The following NCAPH variants were observed in gnomAD, a reference collection of about 807,000 sequenced individuals.
NCAPH encodes condensin complex subunit 2.
Under a neutral mutation model 85.5 loss-of-function variants are expected in NCAPH, and 38 were observed. The ratio of observed to expected loss-of-function variants is 0.44; its 90% CI spans 0.34 to 0.58. NCAPH has a LOEUF of 0.58. NCAPH is among the 20% of genes least tolerant of loss of function. NCAPH has a pLI of 0.01. For missense variants in NCAPH, 789 were observed against 916.6 expected (o/e 0.86, Z 1.80); for synonymous variants, 301 against 335.1 (o/e 0.90, Z 1.11).
intron 9 of NCAPH, among the ~76,000 whole-genome samples, chr2:96,355,415 T>C (rs1333676911): frequency 3.9e-5 from 6 of 152,108 alleles, no homozygotes; most frequent in Non-Finnish European, 8.8e-5. Flanking sequence ...CTTAGTATAA[T>C]TTCCCGCTAT....
At chr2:96,360,323 A>T in intron 11 of NCAPH, 74 bp downstream of exon 11, 1 of 958,134 alleles carries the variant, frequency 1.0e-6, no homozygotes, top group East Asian at 2.5e-5. Context: ...AATTCCGTAT[A>T]AATTTAACTG....
intron 13 of NCAPH, among the ~76,000 whole-genome samples, chr2:96,364,831 A>C (rs1169754039): frequency 6.6e-6 from 1 of 152,238 alleles, no homozygotes; most frequent in Non-Finnish European, 1.5e-5. Flanking sequence ...GGCCACACTC[A>C]AGTGAATGCG....
In NCAPH at chr2:96,366,044, G is replaced by A. The variant is rs111936698; in HGVS notation, c.1867G>A (p.Ala623Thr). 239 of 1,614,170 alleles carry A rather than the reference G, an allele frequency of 1.5e-4. No homozygotes were observed. The African/African-American group carries it at 3.0e-3, about 20-fold the overall frequency. The change falls in exon 14 of 18, where the codon GCT (alanine) becomes ACT (threonine). Residue 623 changes from alanine (A) to threonine (T), a missense_variant. By Grantham distance (58) the Ala-to-Thr change is moderately conservative. Coordinates refer to ENST00000240423, the MANE Select transcript of NCAPH (RefSeq NM_015341.5). ...AACATATGGGGAGTCAAACTTGGTA[G>A]CTGAGCCTCAGAAGGTACGGATGAA... is the stretch of plus-strand genomic sequence containing the variant. Reference protein sequence around the residue: ...ITTYGESNLVAEPQKVNKIEI... With the variant: ...ITTYGESNLVTEPQKVNKIEI...
rs559958534 is a variant in NCAPH at position 96,351,079 on chromosome 2, T to C, written c.721-752T>C. On this transcript the variant is annotated intron_variant, in intron 6 of 17. Coordinates refer to ENST00000240423, the MANE Select transcript of NCAPH (RefSeq NM_015341.5). Reference sequence around the variant, plus strand: ...CCCAGCCAGCTAGCCCTACTGACTCTGTCCTTTGCCTGGATATCTTGGGTA... The same window carrying C: ...CCCAGCCAGCTAGCCCTACTGACTCCGTCCTTTGCCTGGATATCTTGGGTA... 2.6e-4 allele frequency among the ~76,000 whole-genome samples: 39 copies of C among 152,330 alleles called. 1 individual carries two copies. The highest frequency in any genetic ancestry group is 6.8e-3 in the Middle Eastern group (2 of 294).
intron 17 of NCAPH, among the ~76,000 whole-genome samples, chr2:96,371,474 A>G (rs1017837160): frequency 1.3e-5 from 2 of 152,200 alleles, no homozygotes; most frequent in African/African-American, 4.8e-5. Context: ...AGGCCAGGCC[A>G]ACACTGCTAA....
intron 6 of NCAPH, among the ~76,000 whole-genome samples, chr2:96,344,552 T>G (rs887586768): frequency 2.0e-5 from 3 of 152,276 alleles, no homozygotes; most frequent in African/African-American, 7.2e-5. Context: ...GAGCACCATG[T>G]GCTTCCTTAA....
At chr2:96,351,540 G>A (rs548936624) in intron 6 of NCAPH, among the ~76,000 whole-genome samples, 1 of 151,892 alleles carries the variant, frequency 6.6e-6, no homozygotes, top group East Asian at 1.9e-4. Context: ...GTAGTGGTGC[G>A]TACCTGTAGT....
chr2:96,342,946 C>A, intron 4 of NCAPH, 98 bp downstream of exon 4: 2 of 1,193,100 alleles, frequency 1.7e-6, no homozygotes, highest in Non-Finnish European at 2.4e-6. Context: ...ACATGAGAGA[C>A]TTCTCATTTA....
Position 96,367,334 on chromosome 2 carries a change from T to C in NCAPH, c.1959T>C (p.Ser653=). ...AGAAACTGAAGCAGAGCATGTGGAG[T>C]CTGCTGACAGCGCTCTCCGGAAAGG... ...DMKKLKQSMW[S]LLTALSGKEA... The change falls in exon 15 of 18, where the codon AGT becomes AGC. Residue 653 remains serine (S), a synonymous_variant. Transcript: ENST00000240423. The C allele has an allele frequency of 6.2e-7, 1 of 1,613,518 alleles. No individual in the cohort carries two copies. The highest frequency in any genetic ancestry group is 8.5e-7 in the Non-Finnish European group (1 of 1,179,686).
intron 17 of NCAPH, among the ~76,000 whole-genome samples, chr2:96,372,480 C>T (rs1190049435): frequency 6.6e-6 from 1 of 152,112 alleles, no homozygotes; most frequent in Admixed American, 6.6e-5. Context: ...CCCACAGTCA[C>T]CCATGGTCTG....
intron 6 of NCAPH, 92 bp downstream of exon 6, chr2:96,344,321 G>A (rs562489160): frequency 9.9e-6 from 14 of 1,416,198 alleles, no homozygotes; most frequent in South Asian, 7.7e-5. Flanking sequence ...GCTGGTATGT[G>A]CCTGTTTAAG....
chr2:96,335,994 T>G (rs1018847101), intron 1 of NCAPH, 146 bp downstream of exon 1: 11 of 339,044 alleles, frequency 3.2e-5, no homozygotes, highest in South Asian at 1.7e-4. Context: ...CAGAGGCCGG[T>G]GCGGGGGGAG....
At chr2:96,353,530 T>A in intron 8 of NCAPH, 133 bp downstream of exon 8, 1 of 786,220 alleles carries the variant, frequency 1.3e-6, no homozygotes, top group Non-Finnish European at 2.1e-6. Context: ...GGCACTTCTG[T>A]AGGGACAAAA....
intron 12 of NCAPH, among the ~76,000 whole-genome samples, chr2:96,362,491 A>G (rs985593962): frequency 3.9e-5 from 6 of 152,148 alleles, no homozygotes; most frequent in African/African-American, 1.4e-4. Flanking sequence ...TTAGCCAGAC[A>G]TGGTAGTGCA....
chr2:96,358,734 C>G (rs1261318256), intron 9 of NCAPH, among the ~76,000 whole-genome samples: 3 of 152,176 alleles, frequency 2.0e-5, no homozygotes, highest in African/African-American at 7.2e-5. Flanking sequence ...TCCCAAAGTG[C>G]TGGGATTACA....
chr2:96,335,969 C>A (rs2104403502), intron 1 of NCAPH, 121 bp downstream of exon 1: 1 of 1,136,688 alleles, frequency 8.8e-7, no homozygotes, highest in Non-Finnish European at 1.2e-6. Flanking sequence ...CGGGTCTTGG[C>A]CCTGCGGCTG....
chr2:96,341,782 G>T lies in NCAPH; in HGVS notation c.160G>T (p.Asp54Tyr). 1 of 1,614,106 alleles carries T rather than the reference G, an allele frequency of 6.2e-7. No homozygotes were observed. The highest frequency in any genetic ancestry group is 8.5e-7 in the Non-Finnish European group (1 of 1,180,020). ...TATTCCTGGCACCCCAGTCCTCGAA[G>T]ACTTTCCTCAGAATGACGATGAGAA... ...LNIPGTPVLEDFPQNDDEKER... is the reference protein window; with the variant it reads ...LNIPGTPVLEYFPQNDDEKER... Residue 54 changes from aspartate to tyrosine, a missense_variant, in exon 2 of 18, where the codon GAC becomes TAC. Transcript: ENST00000240423.
intron 12 of NCAPH, among the ~76,000 whole-genome samples, chr2:96,361,788 A>G (rs2064619901): frequency 8.2e-6 from 1 of 121,772 alleles, no homozygotes; most frequent in Admixed American, 9.2e-5. Flanking sequence ...ATATACACAT[A>G]TATATGTATA....
Position 96,354,296 on chromosome 2 carries a change from CT to C in NCAPH, c.1119del (p.Phe373LeufsTer34), listed in dbSNP as rs1172126480. The stretch of plus-strand genomic sequence containing the variant: ...TCCCCGATGGGTCCCTGGGGGATGA[CT>C]TTGATGCCAACGATGAACCTGACCA... ...DFPDGSLGDD[F>X]DANDEPDHTA... On this transcript the variant is annotated frameshift_variant, in exon 9 of 18. Transcript: ENST00000240423. LOFTEE classifies it high-confidence loss of function. 6 of 1,614,068 alleles carry C rather than the reference CT, an allele frequency of 3.7e-6. No individual in the cohort carries two copies. The highest frequency in any genetic ancestry group is 5.1e-6 in the Non-Finnish European group (6 of 1,179,994).
Sources: allele counts gnomAD v4.1 joint callset (sites outside exome capture counted in the v4.1 genomes callset), GRCh38; gene constraint gnomAD v4.1.1; transcripts MANE v1.5; gene names NCBI Gene and HGNC (gene_info 2026-07-23, HGNC 2026-07-21).